Variants in SPATA17 observed in about 807,000 individuals in gnomAD.
SPATA17 encodes spermatogenesis-associated protein 17.
A neutral mutation model predicts 62.2 loss-of-function variants in SPATA17; 53 were observed. The observed-to-expected ratio is 0.85, with a 90% CI of 0.68 to 1.07. SPATA17 has a LOEUF of 1.07. Ranked by LOEUF, SPATA17 falls within the 50% of genes least tolerant of loss-of-function variation. The pLI is 0.00. For synonymous variants in SPATA17, 146 were observed against 146.8 expected, an observed-to-expected ratio of 0.99 and a Z score of 0.04; for missense variants, 466 against 425.5, an observed-to-expected ratio of 1.10 and a Z score of -0.84.
intron 5 of SPATA17, among the ~76,000 whole-genome samples, chr1:217,706,804 C>T (rs1001451265): frequency 4.6e-5 from 7 of 151,840 alleles, no homozygotes; most frequent in African/African-American, 1.7e-4. Context: ...CTGTAGAGAT[C>T]TGTCACCTCC....
rs1454754779 is a variant in SPATA17 at position 217,870,058 on chromosome 1, T to C, written c.*3039T>C. 2 of 152,188 alleles carry C rather than the reference T, an allele frequency of 1.3e-5. No individual in the cohort carries two copies. The highest frequency in any genetic ancestry group is 3.9e-4 in the East Asian group (2 of 5,188). 9.4% of individuals were successfully genotyped at this position (152,188 alleles called of 1,614,324 possible). On this transcript the variant is annotated 3_prime_UTR_variant, in exon 11 of 11. Transcript: ENST00000366933. ...AATTTTGTGTACTTTTGTAAGTTCT[T>C]GGTTGTTTCTAAACTTATAACAAAA...
intron 5 of SPATA17, among the ~76,000 whole-genome samples, chr1:217,686,292 C>G (rs1671213153): frequency 1.3e-5 from 2 of 152,110 alleles, no homozygotes; most frequent in African/African-American, 2.4e-5. Context: ...ATTAACATTT[C>G]CAAACCTTAA....
chr1:217,749,985 C>CTCTATATATATATATATA lies in SPATA17; in HGVS notation c.519+7888_519+7889insCTATATATATATATATAT. ...TCTCTCTCTCTCTCTCTCTCTCTCT[C>CTCTATATATATATATATA]TATATATATATATATATATATATAT... On this transcript the variant is annotated intron_variant, in intron 6 of 10. Coordinates refer to ENST00000366933, the MANE Select transcript of SPATA17 (RefSeq NM_138796.4). 2.8e-3 allele frequency among the ~76,000 whole-genome samples: 34 copies of CTCTATATATATATATATA among 12,306 alleles called. 1 individual carries two copies. Among genetic ancestry groups the CTCTATATATATATATATA allele is most frequent in the Non-Finnish European group, 3.5e-3 (22 of 6,336 alleles). The allele number at this position is 12,306 out of a possible 152,430, so 8.1% of individuals were successfully genotyped here.
At chr1:217,852,225 T>A (rs1288603058) in intron 9 of SPATA17, among the ~76,000 whole-genome samples, 1 of 152,188 alleles carries the variant, frequency 6.6e-6, no homozygotes, top group Non-Finnish European at 1.5e-5. Context: ...AGACAATGCA[T>A]CAAGTGTTAT....
chr1:217,774,982 A>C (rs1459254302), intron 7 of SPATA17, among the ~76,000 whole-genome samples: 1 of 152,164 alleles, frequency 6.6e-6, no homozygotes, highest in Non-Finnish European at 1.5e-5. Context: ...TCTTCTTGAG[A>C]CTGTTTTCAT....
At chr1:217,672,129 A>AGTG (rs1670844574) in intron 4 of SPATA17, among the ~76,000 whole-genome samples, 1 of 152,214 alleles carries the variant, frequency 6.6e-6, no homozygotes, top group African/African-American at 2.4e-5. Flanking sequence ...TTCAAGAGTG[A>AGTG]GTGGCCAAAG....
intron 4 of SPATA17, among the ~76,000 whole-genome samples, chr1:217,680,983 C>G (rs1671070790): frequency 7.5e-6 from 1 of 133,656 alleles, no homozygotes. Flanking sequence ...AATCCCAGCA[C>G]CTTGGGAGGC....
At chr1:217,814,612 C>T (rs1338644628) in intron 9 of SPATA17, among the ~76,000 whole-genome samples, 1 of 152,046 alleles carries the variant, frequency 6.6e-6, no homozygotes, top group African/African-American at 2.4e-5. Context: ...CTTTGGGAGG[C>T]TGAGGCAGGA....
intron 4 of SPATA17, among the ~76,000 whole-genome samples, chr1:217,675,801 A>G (rs942621362): frequency 1.3e-5 from 2 of 152,188 alleles, no homozygotes; most frequent in African/African-American, 4.8e-5. Context: ...TCTTGCCCCA[A>G]ATCGCACAGC....
intron 4 of SPATA17, among the ~76,000 whole-genome samples, chr1:217,677,347 C>T (rs750492245): frequency 1.5e-4 from 23 of 151,610 alleles, no homozygotes; most frequent in Non-Finnish European, 3.1e-4. Context: ...AAATATGTGT[C>T]AGATATATAA....
rs191858673 is a variant in SPATA17 at position 217,842,164 on chromosome 1, T to G, written c.1006-20610T>G. On this transcript the variant is annotated intron_variant, in intron 9 of 10. Transcript: ENST00000366933. ...TCAAACTTCTCTTCCTAGAATGAAC[T>G]CTAATCATGAGATACTTTTATTTTT... 3.9e-5 allele frequency among the ~76,000 whole-genome samples: 6 copies of G among 152,156 alleles called. No individual in the cohort carries two copies. In the East Asian group the frequency reaches 1.2e-3, roughly 29 times the overall value.
chr1:217,762,782 G>A (rs1673202687), intron 6 of SPATA17, among the ~76,000 whole-genome samples: 1 of 152,262 alleles, frequency 6.6e-6, no homozygotes. Flanking sequence ...GACCAGCCTG[G>A]CCAACGTGGT....
chr1:217,814,312 T>C (rs1472575508), intron 9 of SPATA17, among the ~76,000 whole-genome samples: 1 of 152,170 alleles, frequency 6.6e-6, no homozygotes, highest in Non-Finnish European at 1.5e-5. Flanking sequence ...GATCTCTCCA[T>C]TAGATTATTA....
chr1:217,667,387 A>C (rs946436480), intron 3 of SPATA17, among the ~76,000 whole-genome samples: 1 of 152,158 alleles, frequency 6.6e-6, no homozygotes, highest in African/African-American at 2.4e-5. Context: ...TTTTAACTAC[A>C]AAATGTGTAA....
chr1:217,727,470 A>T (rs548645907), intron 5 of SPATA17, among the ~76,000 whole-genome samples: 10 of 152,084 alleles, frequency 6.6e-5, no homozygotes, highest in African/African-American at 2.4e-4. Context: ...CATAGTGTTC[A>T]TTGAAAATAA....
At chr1:217,694,655 G>A (rs1335321498) in intron 5 of SPATA17, among the ~76,000 whole-genome samples, 28 of 150,336 alleles carry the variant, frequency 1.9e-4, no homozygotes, top group African/African-American at 5.1e-4. Flanking sequence ...CATGTTTAGC[G>A]CTTCCTTCAG....
intron 5 of SPATA17, among the ~76,000 whole-genome samples, chr1:217,687,088 T>C (rs537615089): frequency 6.6e-6 from 1 of 152,322 alleles, no homozygotes; most frequent in Non-Finnish European, 1.5e-5. Context: ...ATTGTAAACA[T>C]TGTGTTATTT....
At chr1:217,701,596 A>T (rs567917095) in intron 5 of SPATA17, among the ~76,000 whole-genome samples, 1 of 151,752 alleles carries the variant, frequency 6.6e-6, no homozygotes, top group East Asian at 2.0e-4. Flanking sequence ...CATGTTGGAC[A>T]GGCTGGTCTT....
At chr1:217,798,218 A>G (rs900816838) in intron 8 of SPATA17, among the ~76,000 whole-genome samples, 2 of 152,212 alleles carry the variant, frequency 1.3e-5, no homozygotes, top group African/African-American at 4.8e-5. Flanking sequence ...AGCATCTTAC[A>G]GTCACTCTTA....
Sources: gnomAD v4.1 joint callset for allele counts (sites outside exome capture counted in the v4.1 genomes callset) on GRCh38, gnomAD v4.1.1 for gene constraint, MANE v1.5 for transcripts, NCBI Gene and HGNC (gene_info 2026-07-23, HGNC 2026-07-21) for gene names.